GLI3: variants seen among roughly 807,000 people sequenced by gnomAD.
The protein encoded by GLI3 is transcription activator GLI3.
In GLI3, 20 loss-of-function variants were observed where a neutral mutation model predicts 100.8. The ratio of observed to expected loss-of-function variants is 0.20; its 90% confidence interval spans 0.14 to 0.29. The LOEUF is 0.29. GLI3 is among the 10% of genes least tolerant of loss of function. The pLI, the probability that GLI3 is intolerant of heterozygous loss-of-function variation, is 1.00. For missense variants in GLI3, 2,040 were observed against 2,128.5 expected (o/e 0.96, Z 0.82); for synonymous variants, 938 against 860.5 (o/e 1.09, Z -1.58).
intron 4 of GLI3, among the ~76,000 whole-genome samples, chr7:42,069,440 T>C (rs983739076): frequency 6.6e-6 from 1 of 152,154 alleles, no homozygotes; most frequent in Non-Finnish European, 1.5e-5. Context: ...ATGAGGAAAC[T>C]ATGTATGTAG....
chr7:42,223,470 A>G (rs1457143984), intron 1 of GLI3, among the ~76,000 whole-genome samples, 175 bp from the exon 2 acceptor site: 1 of 152,168 alleles, frequency 6.6e-6, no homozygotes, highest in East Asian at 1.9e-4. Context: ...AAATTTAACA[A>G]ACCAGTGAAA....
At chr7:42,052,902 T>G (rs980197155) in intron 4 of GLI3, among the ~76,000 whole-genome samples, 1 of 152,178 alleles carries the variant, frequency 6.6e-6, no homozygotes, top group African/African-American at 2.4e-5. Context: ...CCTCCTGACA[T>G]GTAAATAGTC....
chr7:42,180,537 C>T (rs1254875793), intron 2 of GLI3, among the ~76,000 whole-genome samples: 1 of 152,152 alleles, frequency 6.6e-6, no homozygotes, highest in African/African-American at 2.4e-5. Flanking sequence ...AATCAGGTGA[C>T]ACAGGCGGGA....
In GLI3 at chr7:41,977,544, CT is replaced by C. The variant is rs1562666527; in HGVS notation, c.1812+13del. On this transcript the variant is annotated intron_variant, in intron 12 of 14. Transcript: ENST00000395925. ...TTTCCTTATGCAAGCTCCATGCCCA[CT>C]GAGGATGCTTACCTCATTGGAATGC... 6.2e-7 allele frequency: 1 copy of C among 1,612,562 alleles called. No individual in the cohort carries two copies. The highest frequency in any genetic ancestry group is 8.5e-7 in the Non-Finnish European group (1 of 1,178,652).
intron 10 of GLI3, among the ~76,000 whole-genome samples, chr7:42,011,987 C>CG (rs1265410176): frequency 6.6e-6 from 1 of 152,192 alleles, no homozygotes; most frequent in Non-Finnish European, 1.5e-5. Flanking sequence ...GATCCCTGGC[C>CG]GGGGCCATCA....
At chr7:42,167,119 G>C (rs1375294182) in intron 2 of GLI3, among the ~76,000 whole-genome samples, 1 of 152,112 alleles carries the variant, frequency 6.6e-6, no homozygotes, top group Non-Finnish European at 1.5e-5. Context: ...GAGCCACTGT[G>C]CCTGGCCTGG....
chr7:42,202,324 T>TCA (rs1583643789), intron 2 of GLI3, among the ~76,000 whole-genome samples: 2 of 26,856 alleles, frequency 7.4e-5, no homozygotes, highest in East Asian at 6.1e-3. Flanking sequence ...AATCTGTCTC[T>TCA]CTCTCTCTCT....
In GLI3 at chr7:42,076,874, G is replaced by GC; in HGVS notation, c.368-18dup. 6.9e-7 allele frequency: 1 copy of GC among 1,447,260 alleles called. No homozygotes were observed. Among genetic ancestry groups the GC allele is most frequent in the Non-Finnish European group, 9.7e-7 (1 of 1,027,754 alleles). 89.7% of individuals were successfully genotyped at this position (1,447,260 alleles called of 1,614,324 possible). On this transcript the variant is annotated splice_polypyrimidine_tract_variant and intron_variant, in intron 3 of 14. Coordinates refer to ENST00000395925, the MANE Select transcript of GLI3 (RefSeq NM_000168.6). ...GAGGAGGGTCTGAAAAGAAGAGAGA[G>GC]CCCAATCTATATCAAATGAACACTT... is the stretch of plus-strand genomic sequence containing the variant.
intron 10 of GLI3, among the ~76,000 whole-genome samples, chr7:42,021,176 T>C (rs558644982): frequency 1.3e-5 from 2 of 152,226 alleles, no homozygotes; most frequent in East Asian, 3.8e-4. Context: ...TAAACTAGTA[T>C]TCTTATTTAT....
At chr7:42,116,804 C>T (rs1785869112) in intron 3 of GLI3, among the ~76,000 whole-genome samples, 2 of 151,846 alleles carry the variant, frequency 1.3e-5, no homozygotes, top group Admixed American at 6.6e-5. Context: ...TCACTTTTAA[C>T]ACGCCATAAT....
At chr7:42,193,071 A>G (rs1787860263) in intron 2 of GLI3, among the ~76,000 whole-genome samples, 1 of 152,192 alleles carries the variant, frequency 6.6e-6, no homozygotes, top group Non-Finnish European at 1.5e-5. Flanking sequence ...CACATCAAAA[A>G]GGTGACGATT....
chr7:42,005,975 G>T (rs1230916355), intron 10 of GLI3, among the ~76,000 whole-genome samples: 1 of 152,116 alleles, frequency 6.6e-6, no homozygotes, highest in African/African-American at 2.4e-5. Flanking sequence ...GCGAAATGAT[G>T]TTACAACTCT....
chr7:42,164,653 AC>A (rs1787202038), intron 2 of GLI3, among the ~76,000 whole-genome samples: 1 of 151,860 alleles, frequency 6.6e-6, no homozygotes, highest in Non-Finnish European at 1.5e-5. Context: ...ACACGGTGAA[AC>A]CCCATCTCTA....
chr7:42,205,528 T>C (rs530625249), intron 2 of GLI3, among the ~76,000 whole-genome samples: 5 of 152,298 alleles, frequency 3.3e-5, no homozygotes, highest in African/African-American at 1.2e-4. Context: ...GGGCAGCTGG[T>C]GTGACTTAAT....
At chr7:42,207,063 C>T (rs371118337) in intron 2 of GLI3, among the ~76,000 whole-genome samples, 3 of 152,254 alleles carry the variant, frequency 2.0e-5, no homozygotes, top group African/African-American at 7.2e-5. Context: ...AGTGTTGACA[C>T]GAATGAGAAG....
intron 2 of GLI3, among the ~76,000 whole-genome samples, chr7:42,160,998 A>T (rs1787119049): frequency 6.6e-6 from 1 of 152,246 alleles, no homozygotes; most frequent in Admixed American, 6.5e-5. Context: ...AGTTCTTCAA[A>T]TATCTGTTGA....
intron 3 of GLI3, among the ~76,000 whole-genome samples, chr7:42,146,420 C>T (rs1786711018): frequency 6.6e-6 from 1 of 152,146 alleles, no homozygotes; most frequent in South Asian, 2.1e-4. Flanking sequence ...TGGGGGAAAC[C>T]GTTAAAACAA....
intron 2 of GLI3, among the ~76,000 whole-genome samples, chr7:42,170,694 G>T (rs778702388): frequency 2.0e-5 from 3 of 152,086 alleles, no homozygotes; most frequent in Non-Finnish European, 4.4e-5. Flanking sequence ...GAGCCACCAC[G>T]TCTGGCCTTG....
At position 41,965,941 on chromosome 7, in the gene GLI3, G is replaced by C; in HGVS notation, c.3132C>G (p.Leu1044=). The change falls in exon 15 of 15, where the codon CTC becomes CTG. Residue 1044 remains leucine, a synonymous_variant. Coordinates refer to ENST00000395925, the MANE Select transcript of GLI3 (RefSeq NM_000168.6). ...CGGGCCGCGTGTAATTCTGAAGCAC[G>C]AGACTGCGCTTCTCCGCGGACGTGG... is the stretch of plus-strand genomic sequence containing the variant. ...AMATSAEKRS[L]VLQNYTRPEG... The C allele has an allele frequency of 6.2e-7, 1 of 1,612,566 alleles. No individual in the cohort carries two copies. The highest frequency in any genetic ancestry group is 8.5e-7 in the Non-Finnish European group (1 of 1,179,816).
Sources: gnomAD v4.1 joint callset for allele counts (sites outside exome capture counted in the v4.1 genomes callset) on GRCh38, gnomAD v4.1.1 for gene constraint, MANE v1.5 for transcripts, NCBI Gene and HGNC (gene_info 2026-07-23, HGNC 2026-07-21) for gene names.